RUNX1T1: variants seen among roughly 807,000 people sequenced by gnomAD.
RUNX1T1 encodes the protein protein CBFA2T1.
A neutral mutation model predicts 62.8 loss-of-function variants in RUNX1T1; 4 were observed. That is an observed-to-expected ratio of 0.06 (90% CI 0.03 to 0.15). The LOEUF is 0.15. RUNX1T1 is among the 10% of genes least tolerant of loss of function. RUNX1T1 has a pLI of 1.00. For missense variants in RUNX1T1, 508 were observed against 754.3 expected (o/e 0.67, Z 3.82); for synonymous variants, 291 against 286.0 (o/e 1.02, Z -0.18).
intron 1 of RUNX1T1, among the ~76,000 whole-genome samples, chr8:92,036,769 T>C (rs1381351760): frequency 1.3e-5 from 2 of 152,328 alleles, no homozygotes; most frequent in East Asian, 3.9e-4. Flanking sequence ...TGTCAACTTA[T>C]TTGAGCTGAC....
intron 2 of RUNX1T1, among the ~76,000 whole-genome samples, chr8:92,072,353 ACT>A (rs1336735896): frequency 1.3e-5 from 2 of 152,190 alleles, no homozygotes; most frequent in Non-Finnish European, 2.9e-5. Flanking sequence ...TTTAAACAAA[ACT>A]CTAAAATATT....
At chr8:92,006,110 C>T (rs1396334703) in intron 4 of RUNX1T1, 1 of 152,038 alleles carries the variant, frequency 6.6e-6, no homozygotes, top group Non-Finnish European at 1.5e-5. Flanking sequence ...GGTTGATAGG[C>T]TGATCGGTAA....
At chr8:91,955,456 G>A (rs987819352), downstream of RUNX1T1, 1 of 226,776 alleles carries the variant, frequency 4.4e-6, no homozygotes, top group Non-Finnish European at 8.8e-6. Flanking sequence ...TGGGAGTGAG[G>A]GTGTTTCCAC....
At chr8:92,083,754 T>C (rs1213569879) in intron 1 of RUNX1T1, among the ~76,000 whole-genome samples, 2 of 152,218 alleles carry the variant, frequency 1.3e-5, no homozygotes, top group South Asian at 2.1e-4. Context: ...GCTGGGTATA[T>C]ACCCAAAGGA....
chr8:92,024,333 G>T (rs1258862287), intron 1 of RUNX1T1, among the ~76,000 whole-genome samples: 1 of 151,670 alleles, frequency 6.6e-6, no homozygotes, highest in Non-Finnish European at 1.5e-5. Flanking sequence ...ACATGGTAAA[G>T]CCCTGTCTCT....
At chr8:92,079,555 C>T (rs760081025) in intron 1 of RUNX1T1, among the ~76,000 whole-genome samples, 14 of 152,178 alleles carry the variant, frequency 9.2e-5, no homozygotes, top group Non-Finnish European at 1.6e-4. Context: ...TGCCCCTCAT[C>T]GCAGGTCATG....
chr8:92,079,183 T>C (rs1053147647), intron 1 of RUNX1T1, among the ~76,000 whole-genome samples: 1 of 152,252 alleles, frequency 6.6e-6, no homozygotes, highest in East Asian at 1.9e-4. Context: ...CCTCTTTTTA[T>C]CTATCAACCT....
intron 1 of RUNX1T1, among the ~76,000 whole-genome samples, chr8:92,025,672 T>G (rs1341515508): frequency 6.6e-6 from 1 of 152,232 alleles, no homozygotes; most frequent in Non-Finnish European, 1.5e-5. Flanking sequence ...CACAATTTAC[T>G]TAAGAGCAAT....
chr8:91,978,246 G>A (rs1469203466), intron 8 of RUNX1T1, among the ~76,000 whole-genome samples: 2 of 152,132 alleles, frequency 1.3e-5, no homozygotes, highest in African/African-American at 2.4e-5. Context: ...TATTGACCAT[G>A]GAACACTGGG....
chr8:92,044,041 A>G (rs1002469490), intron 1 of RUNX1T1, among the ~76,000 whole-genome samples: 2 of 151,976 alleles, frequency 1.3e-5, no homozygotes, highest in Non-Finnish European at 2.9e-5. Context: ...TCTTTATCAG[A>G]TAGTGCTTAT....
At chr8:91,957,631 G>A (rs930623443), downstream of RUNX1T1, 2 of 228,506 alleles carry the variant, frequency 8.8e-6, no homozygotes, top group Non-Finnish European at 1.7e-5. Flanking sequence ...ACAGCTTCTA[G>A]AGATAAAGAC....
At chr8:92,047,279 C>T (rs1229995071) in intron 1 of RUNX1T1, among the ~76,000 whole-genome samples, 1 of 152,124 alleles carries the variant, frequency 6.6e-6, no homozygotes, top group Admixed American at 6.5e-5. Context: ...TATATCTCTA[C>T]ATGGCCGCTT....
intron 8 of RUNX1T1, among the ~76,000 whole-genome samples, chr8:91,985,130 G>A (rs927935801): frequency 2.0e-5 from 3 of 152,178 alleles, no homozygotes; most frequent in Admixed American, 6.5e-5. Context: ...TAATCTGCAC[G>A]TTTTGCAGCA....
At chr8:91,966,559 G>A (rs910120526) in intron 10 of RUNX1T1, among the ~76,000 whole-genome samples, 2 of 152,148 alleles carry the variant, frequency 1.3e-5, no homozygotes, top group Non-Finnish European at 2.9e-5. Flanking sequence ...GAAAGCTGTA[G>A]AAGTTTCCTT....
At chr8:92,047,540 A>G (rs1442567433) in intron 1 of RUNX1T1, among the ~76,000 whole-genome samples, 1 of 152,142 alleles carries the variant, frequency 6.6e-6, no homozygotes. Flanking sequence ...AAGTTCTATG[A>G]GGGCAAAAAA....
At chr8:92,009,817 C>T (rs1586975076) in intron 4 of RUNX1T1, 2 of 152,014 alleles carry the variant, frequency 1.3e-5, no homozygotes, top group East Asian at 3.9e-4. Flanking sequence ...ACACATTATA[C>T]CTTTAACCTT....
chr8:92,059,162 A>G (rs78224903), intron 1 of RUNX1T1, among the ~76,000 whole-genome samples: 2 of 152,328 alleles, frequency 1.3e-5, no homozygotes, highest in East Asian at 1.9e-4. Flanking sequence ...GGTATTTACA[A>G]CTTACATAGT....
chr8:91,988,839 A>T (rs1486712172), intron 6 of RUNX1T1, among the ~76,000 whole-genome samples: 1 of 152,190 alleles, frequency 6.6e-6, no homozygotes, highest in Non-Finnish European at 1.5e-5. Context: ...TACTTGGTGA[A>T]AAAATGTAAG....
chr8:92,093,102 A>G (rs1837285218), intron 1 of RUNX1T1, among the ~76,000 whole-genome samples: 2 of 152,274 alleles, frequency 1.3e-5, no homozygotes, highest in South Asian at 4.1e-4. Context: ...AAATTTACAC[A>G]TGGCTTTCAT....
Sources: gnomAD v4.1 joint callset for allele counts (sites outside exome capture counted in the v4.1 genomes callset) on GRCh38, gnomAD v4.1.1 for gene constraint, MANE v1.5 for transcripts, NCBI Gene and HGNC (gene_info 2026-07-23, HGNC 2026-07-21) for gene names.